The following ENDOD1 variants were observed in gnomAD, a reference collection of about 807,000 sequenced individuals.
ENDOD1 encodes endonuclease domain containing 1.
A neutral mutation model predicts 6.5 loss-of-function variants in ENDOD1; 9 were observed. The ratio of observed to expected loss-of-function variants is 1.39; its 90% CI spans 0.84 to 2.43. The LOEUF is 2.43. Among genes scored for constraint, ENDOD1 ranks in the 30% most tolerant of loss-of-function variants. ENDOD1 has a pLI of 0.00. For synonymous variants in ENDOD1, 255 were observed against 255.2 expected, an observed-to-expected ratio of 1.00 and a Z score of 0.01; for missense variants, 648 against 635.5, an observed-to-expected ratio of 1.02 and a Z score of -0.21.
chr11:95,118,043 A>T (rs530827256), intron 1 of ENDOD1, among the ~76,000 whole-genome samples: 1 of 152,318 alleles, frequency 6.6e-6, no homozygotes, highest in African/African-American at 2.4e-5. Context: ...AAGACAACTA[A>T]TAAAAACTCT....
Position 95,132,290 on chromosome 11 carries a change from T to G in ENDOD1, c.*2711T>G, listed in dbSNP as rs7729. On this transcript the variant is annotated 3_prime_UTR_variant, in exon 2 of 2. Transcript: ENST00000278505. ...CACTTCGATCTAAATGCAGACTAGGTAGTTGGGAGGAGGAACCAAAGTGAA... is the reference window on the plus strand; with the variant it reads ...CACTTCGATCTAAATGCAGACTAGGGAGTTGGGAGGAGGAACCAAAGTGAA... 101,895 of 152,522 alleles carry G rather than the reference T, an allele frequency of 0.67. 34,142 individuals are homozygous for G. The highest frequency in any genetic ancestry group is 0.87 in the East Asian group (4,520 of 5,184). 9.4% of individuals were successfully genotyped at this position (152,522 alleles called of 1,614,324 possible).
chr11:95,105,475 G>T lies in ENDOD1; in HGVS notation c.300+15248G>T, dbSNP rs186823414. On this transcript the variant is annotated intron_variant, in intron 1 of 1. Coordinates refer to ENST00000278505, the MANE Select transcript of ENDOD1 (RefSeq NM_015036.3). Reference sequence around the variant, plus strand: ...GGGTGCATGTGCAGGATGTGTGTTTGTTACATAGGTAAATGTGTGCCATGT... The same window carrying T: ...GGGTGCATGTGCAGGATGTGTGTTTTTTACATAGGTAAATGTGTGCCATGT... 3.4e-4 allele frequency among the ~76,000 whole-genome samples: 51 copies of T among 152,222 alleles called. No individual in the cohort carries two copies. In the East Asian group the frequency reaches 6.7e-3, roughly 20 times the overall value.
chr11:95,118,508 C>T (rs782684547), intron 1 of ENDOD1, among the ~76,000 whole-genome samples: 7 of 152,160 alleles, frequency 4.6e-5, no homozygotes, highest in Non-Finnish European at 7.3e-5. Context: ...GTAAGGTTTC[C>T]GCTGATGAAA....
At chr11:95,093,161 A>G (rs1858947616) in intron 1 of ENDOD1, among the ~76,000 whole-genome samples, 1 of 152,234 alleles carries the variant, frequency 6.6e-6, no homozygotes, top group Admixed American at 6.5e-5. Context: ...CCTACAGGAC[A>G]AAGTTCACAC....
chr11:95,102,759 T>C (rs930194458), intron 1 of ENDOD1, among the ~76,000 whole-genome samples: 1 of 152,210 alleles, frequency 6.6e-6, no homozygotes, highest in Non-Finnish European at 1.5e-5. Context: ...TGAGAGTTAT[T>C]ATGTTACGGA....
In ENDOD1 at chr11:95,129,839, A is replaced by G. The variant is rs995789291; in HGVS notation, c.*260A>G. 1 of 376,276 alleles carries G rather than the reference A, an allele frequency of 2.7e-6. No individual in the cohort carries two copies. The highest frequency in any genetic ancestry group is 4.8e-6 in the Non-Finnish European group (1 of 207,680). The allele number at this position is 376,276 out of a possible 1,614,324, so 23.3% of individuals were successfully genotyped here. A position where few individuals can be genotyped will look rare whatever the true frequency, so the allele number is the denominator to read the frequency against. The stretch of plus-strand genomic sequence containing the variant: ...AAGCCACTAATAACTTCAGTTATGC[A>G]CTCTAACACAGACGACCACCTGAAA... On this transcript the variant is annotated 3_prime_UTR_variant, in exon 2 of 2. Transcript: ENST00000278505.
intron 1 of ENDOD1, among the ~76,000 whole-genome samples, chr11:95,122,370 A>C (rs992150652): frequency 5.3e-5 from 8 of 150,056 alleles, no homozygotes; most frequent in Non-Finnish European, 1.2e-4. Context: ...CTACAGGCAC[A>C]TGCCACCATG....
At chr11:95,098,407 C>CT (rs1198732875) in intron 1 of ENDOD1, among the ~76,000 whole-genome samples, 1 of 152,188 alleles carries the variant, frequency 6.6e-6, no homozygotes, top group Non-Finnish European at 1.5e-5. Flanking sequence ...TTGGACATGT[C>CT]TCCCTCCTTG....
intron 1 of ENDOD1, among the ~76,000 whole-genome samples, chr11:95,122,857 G>T (rs1033178165): frequency 3.3e-4 from 50 of 152,278 alleles, no homozygotes; most frequent in African/African-American, 1.1e-3. Flanking sequence ...TGAGCAAATG[G>T]GCATTTTCCT....
intron 1 of ENDOD1, among the ~76,000 whole-genome samples, chr11:95,105,553 A>G (rs1555111336): frequency 6.6e-6 from 1 of 151,970 alleles, no homozygotes; most frequent in Non-Finnish European, 1.5e-5. Flanking sequence ...CACATGCATT[A>G]GCTTGTTTCC....
At chr11:95,110,361 C>T (rs1859135560) in intron 1 of ENDOD1, among the ~76,000 whole-genome samples, 2 of 152,206 alleles carry the variant, frequency 1.3e-5, no homozygotes. Flanking sequence ...CCATCATGGT[C>T]ACCAGTGTAC....
chr11:95,129,514 G>A lies in ENDOD1; in HGVS notation c.1438G>A (p.Val480Met). The A allele has an allele frequency of 1.2e-6, 2 of 1,614,154 alleles. No individual in the cohort carries two copies. Among genetic ancestry groups the A allele is most frequent in the South Asian group, 1.1e-5 (1 of 91,084 alleles). ...AFGTLGGLFQ[V>M]VFSVCKRIGY... ...TGGTACCCTGGGTGGCCTATTTCAGGTGGTTTTTAGTGTCTGCAAGCGGAT... is the reference window on the plus strand; with the variant it reads ...TGGTACCCTGGGTGGCCTATTTCAGATGGTTTTTAGTGTCTGCAAGCGGAT... Residue 480 changes from valine (V) to methionine (M), a missense_variant, in exon 2 of 2, where the codon GTG becomes ATG. Physicochemically the swap from Val to Met is conservative, Grantham distance 21 (BLOSUM62 1). Transcript: ENST00000278505.
In ENDOD1 at chr11:95,128,519, C is replaced by T. The variant is rs1477323248; in HGVS notation, c.443C>T (p.Ser148Phe). 3.1e-6 allele frequency: 5 copies of T among 1,614,140 alleles called. No individual in the cohort carries two copies. Among genetic ancestry groups the T allele is most frequent in the Non-Finnish European group, 4.2e-6 (5 of 1,180,050 alleles). Reference protein sequence around the residue: ...DYQRGQLYPFSLSSDVQVATF... With the variant: ...DYQRGQLYPFFLSSDVQVATF... Reference sequence around the variant, plus strand: ...CAAAGAGGACAGCTTTACCCATTCTCCCTTAGCAGTGATGTCCAGGTGGCC... The same window carrying T: ...CAAAGAGGACAGCTTTACCCATTCTTCCTTAGCAGTGATGTCCAGGTGGCC... The change falls in exon 2 of 2, where the codon TCC becomes TTC. Residue 148 changes from serine to phenylalanine, a missense_variant. Ser to Phe is a radical substitution (Grantham distance 155, BLOSUM62 -2). Transcript: ENST00000278505.
chr11:95,100,586 T>C (rs1859028724), intron 1 of ENDOD1, among the ~76,000 whole-genome samples: 1 of 152,094 alleles, frequency 6.6e-6, no homozygotes, highest in Non-Finnish European at 1.5e-5. Flanking sequence ...CCTCCTGGGC[T>C]CAAGCGATCC....
Position 95,128,625 on chromosome 11 carries a change from C to T in ENDOD1, c.549C>T (p.Asp183=). The change falls in exon 2 of 2, where the codon GAC becomes GAT. Residue 183 remains aspartate, a synonymous_variant. Coordinates refer to ENST00000278505, the MANE Select transcript of ENDOD1 (RefSeq NM_015036.3). Reference sequence around the variant, plus strand: ...ATGTGAATCTCCACAGCCTAATGGACCGGGCTTTGACCCCACAGTGTGGCA... The same window carrying T: ...ATGTGAATCTCCACAGCCTAATGGATCGGGCTTTGACCCCACAGTGTGGCA... ...RWYVNLHSLM[D]RALTPQCGSG... is the part of the protein sequence containing the mutation. The T allele has an allele frequency of 6.2e-7, 1 of 1,614,226 alleles. No homozygotes were observed. The highest frequency in any genetic ancestry group is 1.7e-5 in the Admixed American group (1 of 60,022).
Position 95,090,122 on chromosome 11 carries a change from C to G in ENDOD1, c.195C>G (p.Phe65Leu). Residue 65 changes from phenylalanine (F) to leucine (L), a missense_variant, in exon 1 of 2, where the codon TTC (phenylalanine) becomes TTG (leucine). By Grantham distance (22) the Phe-to-Leu change is conservative (BLOSUM62 0). Coordinates refer to ENST00000278505, the MANE Select transcript of ENDOD1 (RefSeq NM_015036.3). Reference sequence around the variant, plus strand: ...AGCGCGCGGAGGGTGCTGAGCGCTTCGCCACCCTCTACAGCACCCGGGACC... The same window carrying G: ...AGCGCGCGGAGGGTGCTGAGCGCTTGGCCACCCTCTACAGCACCCGGGACC... ...ICQRAEGAER[F>L]ATLYSTRDRI... is the part of the protein sequence containing the mutation. 6.4e-7 allele frequency: 1 copy of G among 1,564,266 alleles called. No individual in the cohort carries two copies. The highest frequency in any genetic ancestry group is 2.5e-5 in the East Asian group (1 of 40,292).
At chr11:95,108,537 A>C (rs879964236) in intron 1 of ENDOD1, among the ~76,000 whole-genome samples, 3,293 of 149,054 alleles carry the variant, frequency 0.022, 58 homozygotes, top group Non-Finnish European at 0.028. Context: ...AGACACCCAA[A>C]AAAAGAAAAA....
At chr11:95,125,026 C>T (rs1859298307) in intron 1 of ENDOD1, among the ~76,000 whole-genome samples, 1 of 152,116 alleles carries the variant, frequency 6.6e-6, no homozygotes, top group African/African-American at 2.4e-5. Context: ...TCTCCTTCTG[C>T]CTCTTTCTAT....
chr11:95,095,509 G>T (rs1015931541), intron 1 of ENDOD1, among the ~76,000 whole-genome samples: 4 of 11,016 alleles, frequency 3.6e-4, no homozygotes, highest in African/African-American at 6.5e-4. Flanking sequence ...GCCATTCTCA[G>T]GATCAAGTTA....
Sources: gnomAD v4.1 joint callset for allele counts (sites outside exome capture counted in the v4.1 genomes callset) on GRCh38, gnomAD v4.1.1 for gene constraint, MANE v1.5 for transcripts, NCBI Gene and HGNC (gene_info 2026-07-23, HGNC 2026-07-21) for gene names.